MAST4: variants seen among roughly 807,000 people sequenced by gnomAD.
MAST4 encodes microtubule associated serine/threonine kinase family member 4, also known as microtubule-associated serine/threonine-protein kinase 4.
MAST4 carries 89 observed loss-of-function variants against 162.7 expected under a neutral mutation model. That is an observed-to-expected ratio of 0.55 (90% CI 0.46 to 0.65). The LOEUF (loss-of-function observed/expected upper bound fraction) is 0.65. Among genes scored for constraint, MAST4 ranks in the 30% least tolerant of loss-of-function variants. The probability of loss-of-function intolerance (pLI) is 0.00; values close to 1 mark genes in which losing one functional copy is unlikely to be tolerated. For synonymous variants in MAST4, 1,479 were observed against 1,361.1 expected (o/e 1.09, Z -1.91); for missense variants, 3,153 against 3,374.0 (o/e 0.93, Z 1.62).
intron 3 of MAST4, among the ~76,000 whole-genome samples, chr5:66,893,757 A>G (rs1025171148): frequency 2.0e-5 from 3 of 152,176 alleles, no homozygotes; most frequent in Non-Finnish European, 2.9e-5. Context: ...CAGCTTGACT[A>G]CTGTCTTCAT....
At chr5:66,612,104 A>G (rs1187815229) in intron 1 of MAST4, among the ~76,000 whole-genome samples, 1 of 152,190 alleles carries the variant, frequency 6.6e-6, no homozygotes, top group East Asian at 1.9e-4. Context: ...GCTTGTTTTA[A>G]CCCAAATTCA....
chr5:66,912,728 AT>A (rs556861713), intron 4 of MAST4, among the ~76,000 whole-genome samples: 1 of 151,822 alleles, frequency 6.6e-6, no homozygotes, highest in Non-Finnish European at 1.5e-5. Context: ...TGTTTATTCT[AT>A]TTTTTTTCTC....
At chr5:67,078,915 T>TATATATATATATAATATATATATATATA (rs1561621968) in intron 5 of MAST4, among the ~76,000 whole-genome samples, 3 of 28,532 alleles carry the variant, frequency 1.1e-4, no homozygotes, top group African/African-American at 2.1e-4. Flanking sequence ...TATATAAATA[T>TATATATATATATAATATATATATATATA]ATATATATAT....
rs188002371 is a variant in MAST4, at chr5:66,757,794, T to C, written c.364-1915T>C. Among the ~76,000 whole-genome samples the C allele has an allele frequency of 3.1e-4, 47 of 152,286 alleles. No individual in the cohort carries two copies. The East Asian group carries it at 8.7e-3, about 28-fold the overall frequency. ...AACTTTTCTGTAGTTGCAAATGTTT[T>C]TCTGAAAAGTTTCTAATTTAAAAAT... On this transcript the variant is annotated intron_variant, in intron 1 of 28. Transcript: ENST00000403625.
intron 2 of MAST4, among the ~76,000 whole-genome samples, chr5:66,775,309 G>C (rs1253357656): frequency 6.6e-6 from 1 of 152,038 alleles, no homozygotes; most frequent in Non-Finnish European, 1.5e-5. Flanking sequence ...CCCCAACTCA[G>C]CCCACTGATT....
chr5:66,863,100 G>T (rs1182846128), intron 3 of MAST4, among the ~76,000 whole-genome samples: 1 of 152,224 alleles, frequency 6.6e-6, no homozygotes, highest in Non-Finnish European at 1.5e-5. Context: ...TTTCTTTTGA[G>T]TTGAGACTGC....
chr5:67,017,223 C>T (rs1204339194), intron 4 of MAST4, among the ~76,000 whole-genome samples: 1 of 152,178 alleles, frequency 6.6e-6, no homozygotes, highest in African/African-American at 2.4e-5. Flanking sequence ...AAACCACACA[C>T]ACACAGAAAA....
At chr5:67,046,720 G>T (rs1164087228) in intron 4 of MAST4, among the ~76,000 whole-genome samples, 1 of 152,106 alleles carries the variant, frequency 6.6e-6, no homozygotes, top group Non-Finnish European at 1.5e-5. Flanking sequence ...ACTATATAAG[G>T]TAATATATAT....
At chr5:66,692,682 G>T (rs1387081175) in intron 1 of MAST4, among the ~76,000 whole-genome samples, 1 of 152,098 alleles carries the variant, frequency 6.6e-6, no homozygotes, top group Non-Finnish European at 1.5e-5. Context: ...ATCATTCATC[G>T]CCTTTTGATT....
At chr5:67,154,496 C>A (rs555288665) in intron 26 of MAST4, among the ~76,000 whole-genome samples, 1 of 152,312 alleles carries the variant, frequency 6.6e-6, no homozygotes, top group South Asian at 2.1e-4. Flanking sequence ...TTTAAAACTT[C>A]TCTTCCTGCT....
intron 3 of MAST4, among the ~76,000 whole-genome samples, chr5:66,825,357 G>A (rs1757198736): frequency 6.7e-6 from 1 of 149,476 alleles, no homozygotes; most frequent in South Asian, 2.1e-4. Flanking sequence ...GGTGTCATTA[G>A]GCAAAAGGAT....
At chr5:66,650,393 G>T (rs540359691) in intron 1 of MAST4, among the ~76,000 whole-genome samples, 1 of 152,230 alleles carries the variant, frequency 6.6e-6, no homozygotes, top group South Asian at 2.1e-4. Flanking sequence ...GCCCATTTCT[G>T]TGGAGTAAAT....
At chr5:66,898,342 G>A (rs966468270) in intron 3 of MAST4, among the ~76,000 whole-genome samples, 1 of 152,176 alleles carries the variant, frequency 6.6e-6, no homozygotes, top group African/African-American at 2.4e-5. Flanking sequence ...CTTCTAGGAA[G>A]TTCTCTCTTT....
At chr5:66,745,036 G>A (rs1448602787) in intron 1 of MAST4, among the ~76,000 whole-genome samples, 1 of 152,144 alleles carries the variant, frequency 6.6e-6, no homozygotes, top group Non-Finnish European at 1.5e-5. Flanking sequence ...AGCCTTTTTG[G>A]TGTCAGGTAT....
Position 66,899,948 on chromosome 5 carries a change from CAGA to C in MAST4, c.643_645del (p.Lys215del), listed in dbSNP as rs1286946325. 6.6e-7 allele frequency: 1 copy of C among 1,511,992 alleles called. No homozygotes were observed. The highest frequency in any genetic ancestry group is 1.3e-5 in the South Asian group (1 of 75,752). 93.7% of individuals were successfully genotyped at this position (1,511,992 alleles called of 1,614,324 possible). A position where few individuals can be genotyped will look rare whatever the true frequency, so the allele number is the denominator to read the frequency against. On this transcript the variant is annotated splice_acceptor_variant and coding_sequence_variant, in exon 4 of 29. Coordinates refer to ENST00000403625, the MANE Select transcript of MAST4 (RefSeq NM_001164664.2). LOFTEE classifies it high-confidence loss of function. ...TTATATATGGTTTTTTTTTCTTTTG[CAGA>C]AGGAGCTGAGTCTCCCCAGAAGAGG... is the stretch of plus-strand genomic sequence containing the variant.
chr5:66,976,630 C>T (rs973238626), intron 4 of MAST4, among the ~76,000 whole-genome samples: 9 of 152,332 alleles, frequency 5.9e-5, no homozygotes, highest in African/African-American at 9.6e-5. Context: ...TTTGCAGGCT[C>T]ATCTGGGAAC....
intron 4 of MAST4, among the ~76,000 whole-genome samples, chr5:66,966,151 GC>G (rs1207866155): frequency 2.0e-5 from 3 of 152,172 alleles, no homozygotes; most frequent in Non-Finnish European, 4.4e-5. Flanking sequence ...TTAAATAGTA[GC>G]CTAGGACTGA....
At chr5:66,613,403 A>G (rs10065304) in intron 1 of MAST4, among the ~76,000 whole-genome samples, 46,976 of 151,072 alleles carry the variant, frequency 0.31, 7,879 homozygotes, top group African/African-American at 0.43. Context: ...CTCATTACTC[A>G]AAATTTGCCA....
chr5:66,834,142 A>G (rs1041570602), intron 3 of MAST4, among the ~76,000 whole-genome samples: 1 of 152,198 alleles, frequency 6.6e-6, no homozygotes, highest in Non-Finnish European at 1.5e-5. Context: ...AAGATGGCGT[A>G]CATGTCTTAG....
Sources: allele counts gnomAD v4.1 joint callset (sites outside exome capture counted in the v4.1 genomes callset), GRCh38; gene constraint gnomAD v4.1.1; transcripts MANE v1.5; gene names NCBI Gene and HGNC (gene_info 2026-07-23, HGNC 2026-07-21).